Variants in OSBPL10 observed in about 807,000 individuals in gnomAD.
OSBPL10 encodes oxysterol binding protein like 10.
In OSBPL10, 49 loss-of-function variants were observed where a neutral mutation model predicts 81.7. The observed-to-expected ratio is 0.60, with a 90% CI of 0.48 to 0.76. OSBPL10 has a LOEUF of 0.76. Ranked by LOEUF, OSBPL10 falls within the 30% of genes least tolerant of loss-of-function variation. The pLI is 0.00. For synonymous variants in OSBPL10, 419 were observed against 383.6 expected (o/e 1.09, Z -1.08); for missense variants, 923 against 987.8 (o/e 0.93, Z 0.88).
chr3:31,814,320 C>T (rs1243565063), intron 4 of OSBPL10, among the ~76,000 whole-genome samples: 2 of 152,174 alleles, frequency 1.3e-5, no homozygotes, highest in African/African-American at 4.8e-5. Flanking sequence ...GTGACCTAAA[C>T]GAATGTCAAA....
chr3:31,718,666 A>AT (rs1559431989), intron 6 of OSBPL10: 1 of 152,220 alleles, frequency 6.6e-6, no homozygotes, highest in Non-Finnish European at 1.5e-5. Flanking sequence ...TTAACTGAAT[A>AT]TTTTATCATG....
At chr3:31,926,180 G>A (rs987473863) in intron 1 of OSBPL10, among the ~76,000 whole-genome samples, 2 of 151,560 alleles carry the variant, frequency 1.3e-5, no homozygotes, top group African/African-American at 4.9e-5. Context: ...TATCAATTGT[G>A]CTCAACAAAT....
chr3:32,058,731 C>A (rs930792345), intron 1 of OSBPL10, among the ~76,000 whole-genome samples: 21 of 152,182 alleles, frequency 1.4e-4, no homozygotes, highest in Non-Finnish European at 2.8e-4. Flanking sequence ...ACAGTGGTGC[C>A]ATCATAGCTT....
At chr3:31,870,032 C>T (rs914829850) in intron 3 of OSBPL10, among the ~76,000 whole-genome samples, 3 of 152,248 alleles carry the variant, frequency 2.0e-5, no homozygotes, top group Admixed American at 6.5e-5. Flanking sequence ...ACTTGAGGAG[C>T]CCTTCAGCCC....
chr3:31,884,157 C>A (rs1163566695), intron 1 of OSBPL10, among the ~76,000 whole-genome samples: 1 of 152,178 alleles, frequency 6.6e-6, no homozygotes, highest in Non-Finnish European at 1.5e-5. Context: ...GAATAACCAA[C>A]TGATGTCACA....
At position 31,765,198 on chromosome 3, in the gene OSBPL10, TTTTG is replaced by T. The variant is rs563315758; in HGVS notation, c.730-17082_730-17079del. ...ATGCCCAACTAATTTTTGTGTTTTG[TTTTG>T]TTTTTGTTTTTTTTTTGTAGAGACA... On this transcript the variant is annotated intron_variant, in intron 4 of 11. Transcript: ENST00000396556. 2.4e-4 allele frequency among the ~76,000 whole-genome samples: 36 copies of T among 151,806 alleles called. 1 individual carries two copies. The East Asian group carries it at 5.4e-3, about 23-fold the overall frequency.
chr3:31,971,829 G>T (rs1252009600), intron 1 of OSBPL10, among the ~76,000 whole-genome samples: 8 of 152,190 alleles, frequency 5.3e-5, no homozygotes, highest in African/African-American at 1.7e-4. Flanking sequence ...TAGTTGCCAT[G>T]AAGACTGTAT....
intron 6 of OSBPL10, among the ~76,000 whole-genome samples, chr3:31,712,257 G>C (rs888889051): frequency 6.6e-6 from 1 of 152,174 alleles, no homozygotes; most frequent in African/African-American, 2.4e-5. Flanking sequence ...CTCTAGCTTT[G>C]TGCACCCAGT....
intron 2 of OSBPL10, among the ~76,000 whole-genome samples, chr3:31,988,491 C>T (rs911058008): frequency 2.6e-5 from 4 of 152,150 alleles, no homozygotes; most frequent in Non-Finnish European, 5.9e-5. Context: ...AACTTAATTC[C>T]TCCCCTCTTG....
intron 5 of OSBPL10, among the ~76,000 whole-genome samples, chr3:31,733,983 C>A (rs894753133): frequency 2.6e-5 from 4 of 151,406 alleles, no homozygotes; most frequent in African/African-American, 9.7e-5. Flanking sequence ...GCACTCCAGC[C>A]TGGGCGACAG....
chr3:32,059,417 C>T (rs1302396806), intron 1 of OSBPL10, among the ~76,000 whole-genome samples: 1 of 151,668 alleles, frequency 6.6e-6, no homozygotes, highest in Admixed American at 6.6e-5. Context: ...TGAAACCCCA[C>T]CTCTACTAAA....
chr3:31,850,556 A>G (rs1366734943), intron 3 of OSBPL10, among the ~76,000 whole-genome samples: 2 of 152,182 alleles, frequency 1.3e-5, no homozygotes, highest in Non-Finnish European at 2.9e-5. Flanking sequence ...GTAAAAAAGG[A>G]AACCAAAATT....
Position 31,981,135 on chromosome 3 carries a change from G to C in OSBPL10, c.45C>G (p.Asn15Lys). The C allele has an allele frequency of 6.7e-7, 1 of 1,491,766 alleles. No individual in the cohort carries two copies. Among genetic ancestry groups the C allele is most frequent in the Non-Finnish European group, 8.9e-7 (1 of 1,125,706 alleles). 92.4% of individuals were successfully genotyped at this position (1,491,766 alleles called of 1,614,324 possible). The change falls in exon 1 of 12, where the codon AAC (asparagine) becomes AAG (lysine). Residue 15 changes from asparagine to lysine, a missense_variant. Physicochemically the swap from Asn to Lys is moderately conservative, Grantham distance 94. This residue lies in a region of OSBPL10 where 514 missense variants were observed against 508.0 expected (regional missense o/e 1.01). Coordinates refer to ENST00000396556, the MANE Select transcript of OSBPL10 (RefSeq NM_017784.5). The surrounding 1 kb of genome is among the most constrained non-coding windows in gnomAD (Gnocchi z 4.5). ...VQGTDGGGGS[N>K]SSSRSSSRAT... is the part of the protein sequence containing the mutation. Reference sequence around the variant, plus strand: ...CACGGCTGCTGCTGCGGCTGCTGCTGTTGCTACCCCCGCCGCCGTCTGTGC... The same window carrying C: ...CACGGCTGCTGCTGCGGCTGCTGCTCTTGCTACCCCCGCCGCCGTCTGTGC...
chr3:32,041,554 G>A (rs570040364), intron 2 of OSBPL10, among the ~76,000 whole-genome samples: 11 of 152,294 alleles, frequency 7.2e-5, no homozygotes, highest in South Asian at 6.2e-4. Flanking sequence ...TCCATAGTCC[G>A]TATCACTTCT....
intron 3 of OSBPL10, among the ~76,000 whole-genome samples, chr3:31,839,566 A>G (rs1700443109): frequency 6.6e-6 from 1 of 152,152 alleles, no homozygotes; most frequent in Non-Finnish European, 1.5e-5. Context: ...GTGGCCAGAG[A>G]ACGCTTCATG....
intron 6 of OSBPL10, among the ~76,000 whole-genome samples, chr3:31,715,685 C>A (rs1478177923): frequency 1.3e-5 from 2 of 152,118 alleles, no homozygotes; most frequent in Non-Finnish European, 2.9e-5. Flanking sequence ...TGATTCTGTG[C>A]CTAAAAACTT....
chr3:31,961,211 T>A (rs1183974934), intron 1 of OSBPL10, among the ~76,000 whole-genome samples: 1 of 152,056 alleles, frequency 6.6e-6, no homozygotes, highest in Non-Finnish European at 1.5e-5. Context: ...GAGCACCACC[T>A]AAGCAAACAC....
intron 3 of OSBPL10, among the ~76,000 whole-genome samples, chr3:31,855,077 G>A (rs527772029): frequency 6.6e-6 from 1 of 152,226 alleles, no homozygotes; most frequent in South Asian, 2.1e-4. Flanking sequence ...CCCAGCCTGG[G>A]GTGCATGCTG....
intron 8 of OSBPL10, among the ~76,000 whole-genome samples, chr3:31,676,160 T>C (rs574499176): frequency 5.5e-4 from 83 of 152,198 alleles, no homozygotes; most frequent in African/African-American, 2.0e-3. Context: ...GCTAAACTGA[T>C]TTGAAGGCAC....
Sources: gnomAD v4.1 joint callset for allele counts (sites outside exome capture counted in the v4.1 genomes callset) on GRCh38, gnomAD v4.1.1 for gene constraint, gnomAD v4.1.1 regional missense constraint, Gnocchi (gnomAD v3.1) non-coding constraint, MANE v1.5 for transcripts, NCBI Gene and HGNC (gene_info 2026-07-23, HGNC 2026-07-21) for gene names.